GRIK2: variants seen among roughly 807,000 people sequenced by gnomAD.
GRIK2 encodes the protein glutamate ionotropic receptor kainate type subunit 2.
GRIK2 carries 32 observed loss-of-function variants against 100.3 expected under a neutral mutation model. The ratio of observed to expected loss-of-function variants is 0.32; its 90% CI spans 0.24 to 0.43. The LOEUF (loss-of-function observed/expected upper bound fraction) is 0.43, where lower values mean the gene tolerates loss of function less well. Among genes scored for constraint, GRIK2 ranks in the 20% least tolerant of loss-of-function variants. GRIK2 has a pLI of 1.00. For synonymous variants in GRIK2, 417 were observed against 389.4 expected, an observed-to-expected ratio of 1.07 and a Z score of -0.83; for missense variants, 843 against 1,114.9, an observed-to-expected ratio of 0.76 and a Z score of 3.47.
intron 7 of GRIK2, among the ~76,000 whole-genome samples, chr6:101,696,598 AT>A (rs1232251675): frequency 6.6e-6 from 1 of 151,974 alleles, no homozygotes; most frequent in East Asian, 1.9e-4. Context: ...GAATGTTACT[AT>A]TTGTATTTGA....
chr6:101,727,225 C>G (rs1774932696), intron 7 of GRIK2, among the ~76,000 whole-genome samples: 1 of 151,974 alleles, frequency 6.6e-6, no homozygotes, highest in Non-Finnish European at 1.5e-5. Flanking sequence ...CCTTATGAGA[C>G]TATTAATTCT....
intron 2 of GRIK2, among the ~76,000 whole-genome samples, chr6:101,511,539 A>AT (rs1774318129): frequency 6.6e-6 from 1 of 151,920 alleles, no homozygotes; most frequent in South Asian, 2.1e-4. Flanking sequence ...GGACACCCAA[A>AT]TGTATAAAAT....
At chr6:101,655,694 A>T (rs1225679510) in intron 4 of GRIK2, among the ~76,000 whole-genome samples, 1 of 152,202 alleles carries the variant, frequency 6.6e-6, no homozygotes, top group Non-Finnish European at 1.5e-5. Context: ...TGGACCATAG[A>T]CATGTACTTA....
chr6:101,417,870 T>A (rs935103477), intron 2 of GRIK2, among the ~76,000 whole-genome samples: 1 of 152,234 alleles, frequency 6.6e-6, no homozygotes, highest in African/African-American at 2.4e-5. Context: ...ACTTTTCTTA[T>A]TTGAGAAATA....
At chr6:101,575,306 A>C (rs1777741912) in intron 2 of GRIK2, among the ~76,000 whole-genome samples, 1 of 151,998 alleles carries the variant, frequency 6.6e-6, no homozygotes, top group African/African-American at 2.4e-5. Flanking sequence ...CAAATGTAAT[A>C]GTTTTCTAAT....
In GRIK2 at chr6:101,928,461, C is replaced by A; in HGVS notation, c.1914C>A (p.Gly638=). The part of the protein sequence containing the change: ...PKALSTRIVG[G]IWWFFTLIII... The stretch of plus-strand genomic sequence containing the variant: ...CACTGTCCACCAGGATAGTGGGAGG[C>A]ATTTGGTGGTTTTTCACACTTATCA... The change falls in exon 14 of 17, where the codon GGC becomes GGA. Residue 638 remains glycine, a synonymous_variant. Coordinates refer to ENST00000369134, the MANE Select transcript of GRIK2 (RefSeq NM_021956.5). 6.2e-7 allele frequency: 1 copy of A among 1,608,546 alleles called. No individual in the cohort carries two copies. Among genetic ancestry groups the A allele is most frequent in the Non-Finnish European group, 8.5e-7 (1 of 1,174,976 alleles).
At chr6:101,782,934 G>T (rs1325657427) in intron 7 of GRIK2, among the ~76,000 whole-genome samples, 3 of 147,136 alleles carry the variant, frequency 2.0e-5, no homozygotes, top group African/African-American at 5.1e-5. Flanking sequence ...TCAGCTCACT[G>T]CAAGCTCCGC....
chr6:101,877,310 G>A (rs1785926071), intron 11 of GRIK2, among the ~76,000 whole-genome samples: 2 of 151,920 alleles, frequency 1.3e-5, no homozygotes, highest in African/African-American at 2.4e-5. Flanking sequence ...GGCTAGGGAA[G>A]GATAGTTGTG....
intron 9 of GRIK2, 74 bp from the exon 10 acceptor site, chr6:101,818,296 C>A: frequency 1.3e-6 from 1 of 790,732 alleles, no homozygotes. Context: ...TGTTAGCAAT[C>A]TTAACTTTCT....
intron 2 of GRIK2, among the ~76,000 whole-genome samples, chr6:101,557,500 G>A (rs989431604): frequency 3.9e-5 from 6 of 152,138 alleles, no homozygotes; most frequent in Non-Finnish European, 7.4e-5. Context: ...CTTAACCACA[G>A]AACTTTCAAA....
At chr6:101,577,057 A>G (rs1247805671) in intron 2 of GRIK2, among the ~76,000 whole-genome samples, 3 of 151,978 alleles carry the variant, frequency 2.0e-5, no homozygotes, top group African/African-American at 4.8e-5. Context: ...TAGGGAATAA[A>G]TGTTTGATTT....
chr6:101,512,777 A>G (rs1218422839), intron 2 of GRIK2, among the ~76,000 whole-genome samples: 1 of 152,034 alleles, frequency 6.6e-6, no homozygotes, highest in Non-Finnish European at 1.5e-5. Flanking sequence ...AATACTAAGT[A>G]TTATAAAGAA....
chr6:101,763,024 A>G (rs1336966894), intron 7 of GRIK2, among the ~76,000 whole-genome samples: 3 of 152,166 alleles, frequency 2.0e-5, no homozygotes, highest in African/African-American at 7.2e-5. Flanking sequence ...GGCTGTCTAC[A>G]AGAGGCCACA....
intron 14 of GRIK2, among the ~76,000 whole-genome samples, chr6:101,972,770 C>A (rs1410832272): frequency 6.6e-6 from 1 of 151,786 alleles, no homozygotes; most frequent in Non-Finnish European, 1.5e-5. Flanking sequence ...ACATGGCTAG[C>A]CAGTTATCCC....
At chr6:101,858,472 C>T (rs1011396332) in intron 10 of GRIK2, among the ~76,000 whole-genome samples, 38 of 150,170 alleles carry the variant, frequency 2.5e-4, no homozygotes, top group African/African-American at 9.3e-4. Context: ...GTGCAAGCTC[C>T]GCCTCCCGGG....
intron 11 of GRIK2, among the ~76,000 whole-genome samples, chr6:101,875,214 G>C (rs1334604783): frequency 6.6e-6 from 1 of 151,934 alleles, no homozygotes; most frequent in Non-Finnish European, 1.5e-5. Context: ...ACAAGGATGA[G>C]TGTTTCCCAT....
At chr6:101,739,971 A>G (rs1775917220) in intron 7 of GRIK2, among the ~76,000 whole-genome samples, 1 of 152,062 alleles carries the variant, frequency 6.6e-6, no homozygotes, top group Non-Finnish European at 1.5e-5. Flanking sequence ...TTGTTTTCGT[A>G]GTTGCTCACC....
chr6:101,515,160 T>A (rs1429842873), intron 2 of GRIK2, among the ~76,000 whole-genome samples: 2 of 152,150 alleles, frequency 1.3e-5, no homozygotes, highest in Non-Finnish European at 2.9e-5. Context: ...TGGTTTTTCC[T>A]TTCCTGACTT....
intron 5 of GRIK2, among the ~76,000 whole-genome samples, chr6:101,679,085 C>A (rs562598378): frequency 5.3e-5 from 8 of 152,096 alleles, no homozygotes; most frequent in Non-Finnish European, 1.2e-4. Context: ...AGTAAAACCT[C>A]ACAAGGACAT....
Sources: allele counts gnomAD v4.1 joint callset (sites outside exome capture counted in the v4.1 genomes callset), GRCh38; gene constraint gnomAD v4.1.1; transcripts MANE v1.5; gene names NCBI Gene and HGNC (gene_info 2026-07-23, HGNC 2026-07-21).